The following NUMB variants were observed in gnomAD, a reference collection of about 807,000 sequenced individuals.
NUMB encodes the protein NUMB endocytic adaptor protein.
A neutral mutation model predicts 59.7 loss-of-function variants in NUMB; 29 were observed. The ratio of observed to expected loss-of-function variants is 0.49; its 90% CI spans 0.36 to 0.66. The LOEUF (loss-of-function observed/expected upper bound fraction) is 0.66, where lower values mean the gene tolerates loss of function less well. Ranked by LOEUF, NUMB falls within the 30% of genes least tolerant of loss-of-function variation. The pLI, the probability that NUMB is intolerant of heterozygous loss-of-function variation, is 0.00. For synonymous variants in NUMB, 288 were observed against 288.2 expected, an observed-to-expected ratio of 1.00 and a Z score of 0.01; for missense variants, 723 against 822.0, an observed-to-expected ratio of 0.88 and a Z score of 1.47.
At chr14:73,368,015 G>A (rs1894458742) in intron 2 of NUMB, among the ~76,000 whole-genome samples, 3 of 150,626 alleles carry the variant, frequency 2.0e-5, no homozygotes, top group Non-Finnish European at 3.0e-5. Flanking sequence ...TTATTTTCTT[G>A]TAGCAAACAG....
At chr14:73,322,300 T>C (rs879557466) in intron 5 of NUMB, among the ~76,000 whole-genome samples, 1 of 152,256 alleles carries the variant, frequency 6.6e-6, no homozygotes, top group Non-Finnish European at 1.5e-5. Flanking sequence ...ACTTTGAATC[T>C]TTATGAATTC....
At chr14:73,311,196 C>T (rs887180559) in intron 6 of NUMB, among the ~76,000 whole-genome samples, 1 of 152,090 alleles carries the variant, frequency 6.6e-6, no homozygotes, top group East Asian at 1.9e-4. Context: ...GCTGGGATTA[C>T]AGGCGCCTGC....
chr14:73,338,940 A>G (rs766991082), intron 4 of NUMB, among the ~76,000 whole-genome samples: 1 of 152,226 alleles, frequency 6.6e-6, no homozygotes, highest in African/African-American at 2.4e-5. Flanking sequence ...TTGTACTTTG[A>G]TAAGAATTTT....
chr14:73,371,648 G>A (rs1363677649), intron 2 of NUMB, among the ~76,000 whole-genome samples: 1 of 152,128 alleles, frequency 6.6e-6, no homozygotes, highest in African/African-American at 2.4e-5. Context: ...AAATTCAAGT[G>A]TTACCAATGT....
chr14:73,384,677 C>T (rs1190745167), intron 2 of NUMB, among the ~76,000 whole-genome samples: 1 of 152,150 alleles, frequency 6.6e-6, no homozygotes, highest in Non-Finnish European at 1.5e-5. Flanking sequence ...AAACCATCCT[C>T]CCACCTCAGC....
chr14:73,355,432 T>C (rs1247294520), intron 4 of NUMB, among the ~76,000 whole-genome samples, 194 bp downstream of exon 4: 1 of 152,176 alleles, frequency 6.6e-6, no homozygotes, highest in African/African-American at 2.4e-5. Flanking sequence ...AAAAGAAAAC[T>C]CCCTAATTAA....
At chr14:73,336,122 A>C (rs1253678014) in intron 4 of NUMB, among the ~76,000 whole-genome samples, 3 of 152,218 alleles carry the variant, frequency 2.0e-5, no homozygotes, top group Non-Finnish European at 4.4e-5. Context: ...CATATAACTT[A>C]GTAAATTAAC....
At chr14:73,278,836 T>C (rs1465349955) in intron 12 of NUMB, among the ~76,000 whole-genome samples, 1 of 148,788 alleles carries the variant, frequency 6.7e-6, no homozygotes, top group African/African-American at 2.5e-5. Flanking sequence ...CAAGCGATTC[T>C]CCTGCCTCGG....
intron 2 of NUMB, among the ~76,000 whole-genome samples, chr14:73,368,044 TA>T (rs144972247): frequency 0.28 from 40,842 of 146,122 alleles, 6,156 homozygotes; most frequent in East Asian, 0.67. Flanking sequence ...GCAAAGTGTT[TA>T]AAAAAAAAAA....
chr14:73,293,597 T>C (rs1889555894), intron 7 of NUMB, among the ~76,000 whole-genome samples: 1 of 152,172 alleles, frequency 6.6e-6, no homozygotes, highest in Non-Finnish European at 1.5e-5. Context: ...TTCACTGTGT[T>C]AGCCAGGACG....
chr14:73,403,052 G>A (rs987142413), intron 2 of NUMB, among the ~76,000 whole-genome samples: 8 of 152,134 alleles, frequency 5.3e-5, no homozygotes, highest in African/African-American at 1.7e-4. Context: ...GCCAAAAGAC[G>A]AAAACAGCTG....
chr14:73,331,287 T>C (rs1305612266), intron 4 of NUMB, among the ~76,000 whole-genome samples: 1 of 152,202 alleles, frequency 6.6e-6, no homozygotes, highest in Non-Finnish European at 1.5e-5. Flanking sequence ...GGCTCAGGCC[T>C]GTAGTCCCAG....
intron 1 of NUMB, among the ~76,000 whole-genome samples, chr14:73,432,076 T>C (rs1184652126): frequency 6.6e-6 from 1 of 152,154 alleles, no homozygotes; most frequent in Admixed American, 6.6e-5. Context: ...TAAGCCCTTA[T>C]AGAGTATAAC....
intron 1 of NUMB, among the ~76,000 whole-genome samples, chr14:73,431,417 G>GA (rs1224755951): frequency 5.3e-5 from 8 of 151,140 alleles, no homozygotes; most frequent in African/African-American, 1.7e-4. Flanking sequence ...CACCATACCT[G>GA]ACTAATTTTT....
At chr14:73,291,086 GTT>G in intron 8 of NUMB, among the ~76,000 whole-genome samples, 1 of 142,078 alleles carries the variant, frequency 7.0e-6, no homozygotes, top group South Asian at 2.2e-4. Flanking sequence ...TTTGTTTTTT[GTT>G]TTTTTTTTTT....
At chr14:73,456,357 G>A (rs1485505401) in intron 1 of NUMB, among the ~76,000 whole-genome samples, 3 of 152,150 alleles carry the variant, frequency 2.0e-5, no homozygotes, top group African/African-American at 4.8e-5. Flanking sequence ...TGATCCGCCC[G>A]CCTTGGCCTC....
intron 2 of NUMB, among the ~76,000 whole-genome samples, chr14:73,403,768 C>T (rs558489112): frequency 1.3e-5 from 2 of 151,202 alleles, no homozygotes; most frequent in African/African-American, 4.9e-5. Context: ...CCAACCTGGC[C>T]AACATGGCAA....
intron 2 of NUMB, among the ~76,000 whole-genome samples, chr14:73,373,791 C>T (rs1453735116): frequency 2.0e-5 from 3 of 149,952 alleles, no homozygotes; most frequent in Non-Finnish European, 4.4e-5. Flanking sequence ...TAACCTCGAA[C>T]TCCTTGGGCT....
chr14:73,432,890 G>T (rs1897890879), intron 1 of NUMB, among the ~76,000 whole-genome samples: 1 of 152,094 alleles, frequency 6.6e-6, no homozygotes, highest in Non-Finnish European at 1.5e-5. Flanking sequence ...GTCTCAGTAT[G>T]CAGGGAACTC....
Sources: allele counts gnomAD v4.1 joint callset (sites outside exome capture counted in the v4.1 genomes callset), GRCh38; gene constraint gnomAD v4.1.1; transcripts MANE v1.5; gene names NCBI Gene and HGNC (gene_info 2026-07-23, HGNC 2026-07-21).